Variants in CERT1 observed in about 807,000 individuals in gnomAD.
CERT1 encodes ceramide transporter 1.
CERT1 carries 31 observed loss-of-function variants against 87.9 expected under a neutral mutation model. That is an observed-to-expected ratio of 0.35 (90% CI 0.27 to 0.48). CERT1 has a LOEUF of 0.48. CERT1 is among the 20% of genes least tolerant of loss of function. CERT1 has a pLI of 0.99. For synonymous variants in CERT1, 289 were observed against 250.9 expected (o/e 1.15, Z -1.44); for missense variants, 487 against 758.0 (o/e 0.64, Z 4.20).
chr5:75,510,521 T>G (rs554227702), intron 1 of CERT1, among the ~76,000 whole-genome samples: 1 of 152,314 alleles, frequency 6.6e-6, no homozygotes, highest in East Asian at 1.9e-4. Flanking sequence ...CTATGAATAT[T>G]TCCTGTACCC....
downstream of CERT1, chr5:75,376,629 A>G (rs1257455626): frequency 6.6e-6 from 1 of 152,178 alleles, no homozygotes; most frequent in African/African-American, 2.4e-5. Flanking sequence ...CAAGATATAA[A>G]AATTGTCAGC....
intron 3 of CERT1, among the ~76,000 whole-genome samples, chr5:75,432,212 C>T (rs1469718504): frequency 2.0e-5 from 3 of 152,090 alleles, no homozygotes; most frequent in Non-Finnish European, 2.9e-5. Context: ...CCACCACACC[C>T]GGCTAATTTT....
rs1329100672 is a variant in CERT1, at chr5:75,387,611, G to A, written c.1285-1577C>T. Reference sequence around the variant, plus strand: ...ACAAAAATTAACCCAGCGTAGTGGCGGGTGCCTGTAATCCCAGCTACCTGG... The same window carrying A: ...ACAAAAATTAACCCAGCGTAGTGGCAGGTGCCTGTAATCCCAGCTACCTGG... On this transcript the variant is annotated intron_variant, in intron 12 of 16. Coordinates refer to ENST00000643780, the MANE Select transcript of CERT1 (RefSeq NM_001379029.1). Among the ~76,000 whole-genome samples the A allele has an allele frequency of 2.6e-5, 4 of 151,766 alleles. No individual in the cohort carries two copies. The East Asian group carries it at 5.8e-4, about 22-fold the overall frequency.
At chr5:75,373,912 A>AC (rs1240650757), downstream of CERT1, 1 of 390,660 alleles carries the variant, frequency 2.6e-6, no homozygotes, top group African/African-American at 2.1e-5. Flanking sequence ...TTCAAAGTTG[A>AC]TTTTTTTTTC....
At chr5:75,510,646 T>C (rs1310635026) in intron 1 of CERT1, among the ~76,000 whole-genome samples, 1 of 152,078 alleles carries the variant, frequency 6.6e-6, no homozygotes, top group Non-Finnish European at 1.5e-5. Flanking sequence ...CACCTCAAAT[T>C]TCAACACCAA....
chr5:75,384,537 A>G (rs1192715947), intron 14 of CERT1, 105 bp downstream of exon 14: 5 of 699,010 alleles, frequency 7.2e-6, no homozygotes, highest in Non-Finnish European at 9.8e-6. Flanking sequence ...AAGTCTTTGG[A>G]TTTTTGTGGC....
In CERT1 at chr5:75,396,233, T is replaced by A. The variant is rs149930168; in HGVS notation, c.1188+3077A>T. Among the ~76,000 whole-genome samples the A allele has an allele frequency of 1.1e-3, 164 of 152,334 alleles. 1 individual carries two copies. The East Asian group carries it at 0.027, about 25-fold the overall frequency. On this transcript the variant is annotated intron_variant, in intron 11 of 16. Transcript: ENST00000643780. The stretch of plus-strand genomic sequence containing the variant: ...AATGATCAAGAAACTAGATATGGTA[T>A]CTGTATCTGGACTTTTAAAATTTGT...
At chr5:75,459,962 CAAAAAAAAA>C (rs753591061) in intron 2 of CERT1, among the ~76,000 whole-genome samples, 1 of 25,552 alleles carries the variant, frequency 3.9e-5, no homozygotes, top group East Asian at 1.2e-3. Context: ...TCCTCCGTCT[CAAAAAAAAA>C]AAAAAAAAAA....
chr5:75,396,179 T>C (rs1215052457), intron 11 of CERT1, among the ~76,000 whole-genome samples: 1 of 152,182 alleles, frequency 6.6e-6, no homozygotes, highest in African/African-American at 2.4e-5. Context: ...ACCAGAGATT[T>C]AGAAGGCTTC....
chr5:75,400,223 T>C lies in CERT1; in HGVS notation c.1092A>G (p.Thr364=). The C allele has an allele frequency of 1.2e-6, 2 of 1,612,102 alleles. No homozygotes were observed. Among genetic ancestry groups the C allele is most frequent in the Non-Finnish European group, 1.7e-6 (2 of 1,178,150 alleles). ...AGCTTACCTTTTGGACAAATCTATG[T>C]GTCCCCACAGAAGAAAAGGCATCTC... ...PSGDAFSSVG[T]HRFVQKPYSR... Residue 364 remains threonine (T), a synonymous_variant, in exon 10 of 17, where the codon ACA becomes ACG. Coordinates refer to ENST00000643780, the MANE Select transcript of CERT1 (RefSeq NM_001379029.1).
rs13176598 is a variant in CERT1, at chr5:75,511,580, C to T, written c.-373G>A. On this transcript the variant is annotated 5_prime_UTR_variant, in exon 1 of 17. Transcript: ENST00000643780. ...AAAATCCGGCCGCTGAGTCCCGCGT[C>T]CACTCACACCTCCGCTACCGCCGCC... 4.2e-5 allele frequency: 61 copies of T among 1,461,720 alleles called. No homozygotes were observed. Among genetic ancestry groups the T allele is most frequent in the Non-Finnish European group, 5.1e-5 (57 of 1,108,098 alleles). The allele number at this position is 1,461,720 out of a possible 1,614,324, so 90.5% of individuals were successfully genotyped here.
At chr5:75,475,121 T>C (rs561002328) in intron 2 of CERT1, among the ~76,000 whole-genome samples, 5 of 152,238 alleles carry the variant, frequency 3.3e-5, no homozygotes, top group East Asian at 1.9e-4. Flanking sequence ...GCCCCAGACA[T>C]AGAGAGACTC....
chr5:75,440,186 A>G (rs753497625), intron 3 of CERT1, among the ~76,000 whole-genome samples: 21 of 152,116 alleles, frequency 1.4e-4, no homozygotes, highest in Non-Finnish European at 2.1e-4. Flanking sequence ...TATGAAAGAA[A>G]ACTAACTTTA....
At chr5:75,486,886 T>C (rs1345469222) in intron 2 of CERT1, among the ~76,000 whole-genome samples, 1 of 152,130 alleles carries the variant, frequency 6.6e-6, no homozygotes, top group Non-Finnish European at 1.5e-5. Context: ...AGAATCAATA[T>C]TGTTAAAATG....
chr5:75,437,301 A>C (rs1332404236), intron 3 of CERT1, among the ~76,000 whole-genome samples: 1 of 152,242 alleles, frequency 6.6e-6, no homozygotes, highest in East Asian at 1.9e-4. Flanking sequence ...TCATCTTACA[A>C]CAAAGACATG....
intron 3 of CERT1, among the ~76,000 whole-genome samples, chr5:75,434,872 T>G (rs1239405089): frequency 6.6e-6 from 1 of 152,102 alleles, no homozygotes; most frequent in Non-Finnish European, 1.5e-5. Context: ...TATTTGGATC[T>G]TCTTTTTTTC....
At chr5:75,417,514 T>A (rs1763184579) in intron 6 of CERT1, among the ~76,000 whole-genome samples, 2 of 152,196 alleles carry the variant, frequency 1.3e-5, no homozygotes, top group Admixed American at 6.5e-5. Flanking sequence ...ACGTTTCAAT[T>A]TTATCATTTT....
intron 2 of CERT1, among the ~76,000 whole-genome samples, chr5:75,499,758 A>G (rs1767256588): frequency 6.6e-6 from 1 of 152,170 alleles, no homozygotes; most frequent in Non-Finnish European, 1.5e-5. Context: ...CACAAAATAA[A>G]ATGCACCACA....
At chr5:75,500,676 C>T (rs1767316212) in intron 2 of CERT1, among the ~76,000 whole-genome samples, 1 of 152,136 alleles carries the variant, frequency 6.6e-6, no homozygotes, top group Admixed American at 6.5e-5. Flanking sequence ...TGCATACCTT[C>T]CTCTCTTTCC....
Sources: gnomAD v4.1 joint callset for allele counts (sites outside exome capture counted in the v4.1 genomes callset) on GRCh38, gnomAD v4.1.1 for gene constraint, MANE v1.5 for transcripts, NCBI Gene and HGNC (gene_info 2026-07-23, HGNC 2026-07-21) for gene names.